Variants in DGKG observed in about 807,000 individuals in gnomAD.
DGKG encodes DAG kinase gamma.
In DGKG, 78 loss-of-function variants were observed where a neutral mutation model predicts 105.3. The observed-to-expected ratio is 0.74, with a 90% confidence interval of 0.62 to 0.89. The LOEUF is 0.89. DGKG is among the 40% of genes least tolerant of loss of function. The pLI is 0.00. For missense variants in DGKG, 958 were observed against 1,020.1 expected, an observed-to-expected ratio of 0.94 and a Z score of 0.83; for synonymous variants, 346 against 367.1, an observed-to-expected ratio of 0.94 and a Z score of 0.66.
In DGKG at chr3:186,203,969, G is replaced by A. The variant is rs1328280980; in HGVS notation, c.1917+7826C>T. ...CTCTTTCCCTCTAGTTTAAGAGTGT[G>A]CAGCACTGCAGGTGGATGCTAAGAC... is the stretch of plus-strand genomic sequence containing the variant. On this transcript the variant is annotated intron_variant, in intron 21 of 24. Transcript: ENST00000265022. This position sits in a 1 kb window ranked among gnomAD's most constrained non-coding sequence, Gnocchi z 4.9. Among the ~76,000 whole-genome samples, 1 of 152,232 alleles carries A rather than the reference G, an allele frequency of 6.6e-6. No individual in the cohort carries two copies. The highest frequency in any genetic ancestry group is 1.9e-4 in the East Asian group (1 of 5,198).
chr3:186,158,528 C>A (rs953913586), intron 24 of DGKG: 16 of 965,678 alleles, frequency 1.7e-5, no homozygotes, highest in Non-Finnish European at 2.0e-5. Flanking sequence ...AGAAAATGAC[C>A]TTTATAATTT....
intron 3 of DGKG, among the ~76,000 whole-genome samples, chr3:186,306,277 A>C (rs1724234394): frequency 6.6e-6 from 1 of 152,186 alleles, no homozygotes; most frequent in Admixed American, 6.5e-5. Context: ...GAGGAAGTGG[A>C]GTCAGGAAAA....
At chr3:186,174,291 G>A (rs1013766223) in intron 22 of DGKG, among the ~76,000 whole-genome samples, 7 of 152,162 alleles carry the variant, frequency 4.6e-5, no homozygotes, top group Admixed American at 3.3e-4. Context: ...CTCTTACTGC[G>A]ATTTTATGTT....
chr3:186,216,284 G>A (rs745378422), intron 20 of DGKG, among the ~76,000 whole-genome samples: 7 of 151,928 alleles, frequency 4.6e-5, no homozygotes, highest in Non-Finnish European at 1.5e-5. Flanking sequence ...GCAGGCCACC[G>A]CACCCGGCCG....
chr3:186,206,758 T>TG (rs1019739448), intron 21 of DGKG, among the ~76,000 whole-genome samples: 9 of 151,812 alleles, frequency 5.9e-5, no homozygotes, highest in African/African-American at 1.7e-4. Context: ...TTTTGTTTTT[T>TG]TGTTTTTTTT....
In DGKG at chr3:186,187,636, T is replaced by A. The variant is rs562469427; in HGVS notation, c.2095+566A>T. Among the ~76,000 whole-genome samples the A allele has an allele frequency of 7.9e-5, 12 of 152,166 alleles. No individual in the cohort carries two copies. The South Asian group carries it at 2.5e-3, about 32-fold the overall frequency. On this transcript the variant is annotated intron_variant, in intron 22 of 24. Transcript: ENST00000265022. The stretch of plus-strand genomic sequence containing the variant: ...AGGCATCATGAGTAAGCACATGGTA[T>A]TTAAATAAAGTCTTATGACTGGATG...
At chr3:186,351,266 C>T (rs889491585) in intron 1 of DGKG, among the ~76,000 whole-genome samples, 2 of 152,078 alleles carry the variant, frequency 1.3e-5, no homozygotes, top group African/African-American at 4.8e-5. Context: ...AACAAATATT[C>T]CCAAATATTT....
chr3:186,188,425 T>A, intron 21 of DGKG, 46 bp from the exon 22 acceptor site: 1 of 1,598,792 alleles, frequency 6.3e-7, no homozygotes, highest in South Asian at 1.1e-5. Flanking sequence ...CCTCAGTGTG[T>A]CACAACCCAA....
chr3:186,310,318 G>A (rs1280774017), intron 2 of DGKG, among the ~76,000 whole-genome samples: 1 of 140,392 alleles, frequency 7.1e-6, no homozygotes. Context: ...AATCCAGGAG[G>A]TTTCTAACTA....
chr3:186,268,346 G>A (rs924296815), intron 12 of DGKG, among the ~76,000 whole-genome samples: 1 of 152,228 alleles, frequency 6.6e-6, no homozygotes, highest in Non-Finnish European at 1.5e-5. Flanking sequence ...AGCATGTGCT[G>A]TGGCTGGTGG....
At chr3:186,316,505 G>A (rs570520446) in intron 2 of DGKG, among the ~76,000 whole-genome samples, 28 of 152,218 alleles carry the variant, frequency 1.8e-4, no homozygotes, top group Non-Finnish European at 3.1e-4. Context: ...AAATTTCATC[G>A]TTTTATAATA....
intron 22 of DGKG, among the ~76,000 whole-genome samples, chr3:186,170,862 A>C (rs1437357997): frequency 1.3e-5 from 2 of 152,230 alleles, no homozygotes; most frequent in Non-Finnish European, 1.5e-5. Context: ...TCATAGTTTT[A>C]CACTTCCTGT....
chr3:186,275,739 T>A lies in DGKG; in HGVS notation c.793-75A>T, dbSNP rs1722551886. 3 of 947,966 alleles carry A rather than the reference T, an allele frequency of 3.2e-6. No homozygotes were observed. The East Asian group carries it at 7.9e-5, about 25-fold the overall frequency. The allele number at this position is 947,966 out of a possible 1,614,324, so 58.7% of individuals were successfully genotyped here. A position where few individuals can be genotyped will look rare whatever the true frequency, so the allele number is the denominator to read the frequency against. On this transcript the variant is annotated intron_variant, in intron 9 of 24. Coordinates refer to ENST00000265022, the MANE Select transcript of DGKG (RefSeq NM_001346.3). ...AGGAAGCCAGGGGCTGCCTCTTGCATGTTCTTCCTTTTCATCTCATTTAGA... is the reference window on the plus strand; with the variant it reads ...AGGAAGCCAGGGGCTGCCTCTTGCAAGTTCTTCCTTTTCATCTCATTTAGA...
rs188492527 is a variant in DGKG, at chr3:186,220,151, G to A, written c.1827-8266C>T. Among the ~76,000 whole-genome samples the A allele has an allele frequency of 2.1e-3, 321 of 152,296 alleles. 4 individuals carry two copies. The highest frequency in any genetic ancestry group is 6.9e-3 in the African/African-American group (285 of 41,562). Reference sequence around the variant, plus strand: ...TGGTAACCAGAGACACGGATTGAATGGCAATTGAATCCTGAATAATCAAAA... The same window carrying A: ...TGGTAACCAGAGACACGGATTGAATAGCAATTGAATCCTGAATAATCAAAA... On this transcript the variant is annotated intron_variant, in intron 20 of 24. Transcript: ENST00000265022.
chr3:186,338,566 G>A (rs1317764966), intron 1 of DGKG, among the ~76,000 whole-genome samples: 2 of 152,156 alleles, frequency 1.3e-5, no homozygotes, highest in African/African-American at 4.8e-5. Context: ...AGAGAGATGT[G>A]AAAGGATGTA....
At chr3:186,248,446 G>A (rs1370109977) in intron 19 of DGKG, among the ~76,000 whole-genome samples, 1 of 152,216 alleles carries the variant, frequency 6.6e-6, no homozygotes, top group African/African-American at 2.4e-5. Context: ...TGCCAGCGAA[G>A]AGCCACTTCC....
At position 186,230,679 on chromosome 3, in the gene DGKG, C is replaced by T. The variant is rs187296023; in HGVS notation, c.1826+11825G>A. On this transcript the variant is annotated intron_variant, in intron 20 of 24. Transcript: ENST00000265022. ...GGGTGGGCCTGAATGGGAAGGGCAT[C>T]GAGATGGGCCAGAGGGTGGCTGAGG... is the stretch of plus-strand genomic sequence containing the variant. Among the ~76,000 whole-genome samples, 6 of 152,142 alleles carry T rather than the reference C, an allele frequency of 3.9e-5. No homozygotes were observed. The East Asian group carries it at 7.7e-4, about 20-fold the overall frequency.
chr3:186,246,664 T>A (rs1046418489), intron 19 of DGKG, among the ~76,000 whole-genome samples: 16 of 152,246 alleles, frequency 1.1e-4, no homozygotes, highest in Admixed American at 6.5e-4. Flanking sequence ...AGTATCTTCA[T>A]GGCTCTCACA....
Position 186,148,635 on chromosome 3 carries a change from T to G in DGKG, c.*1455A>C, listed in dbSNP as rs970590832. ...TTTGTAACGGCACCTACTCTCAAGCTGCATTAGCCAAGACACCATGGAAAA... is the reference window on the plus strand; with the variant it reads ...TTTGTAACGGCACCTACTCTCAAGCGGCATTAGCCAAGACACCATGGAAAA... On this transcript the variant is annotated 3_prime_UTR_variant, in exon 25 of 25. Transcript: ENST00000265022. 7 of 985,262 alleles carry G rather than the reference T, an allele frequency of 7.1e-6. No individual in the cohort carries two copies. The highest frequency in any genetic ancestry group is 8.4e-6 in the Non-Finnish European group (7 of 829,926). The allele number at this position is 985,262 out of a possible 1,614,324, so 61.0% of individuals were successfully genotyped here.
Sources: gnomAD v4.1 joint callset for allele counts (sites outside exome capture counted in the v4.1 genomes callset) on GRCh38, gnomAD v4.1.1 for gene constraint, Gnocchi (gnomAD v3.1) non-coding constraint, MANE v1.5 for transcripts, NCBI Gene and HGNC (gene_info 2026-07-23, HGNC 2026-07-21) for gene names.